The following SMIM36 variants were observed in gnomAD, a reference collection of about 807,000 sequenced individuals.
SMIM36 encodes small integral membrane protein 36.
chr17:55,474,949 G>T (rs1333956694), intron 3 of SMIM36, among the ~76,000 whole-genome samples: 1 of 152,148 alleles, frequency 6.6e-6, no homozygotes, highest in Non-Finnish European at 1.5e-5. Context: ...AAGGAAGCCT[G>T]GACAGGTCCC....
At chr17:55,529,609 T>C in the SMIM36 span, among the ~76,000 whole-genome samples, 3 of 142,922 alleles carry the variant, frequency 2.1e-5, no homozygotes, top group Non-Finnish European at 3.1e-5. Flanking sequence ...CTACTAAAAA[T>C]ACACACACAC....
intron 3 of SMIM36, among the ~76,000 whole-genome samples, chr17:55,472,975 CAGA>C (rs1016283037): frequency 6.6e-6 from 1 of 152,090 alleles, no homozygotes; most frequent in African/African-American, 2.4e-5. Context: ...GCCCCTACTC[CAGA>C]AGGCTAGTAT....
At chr17:55,470,313 GAC>G (rs1028400043) in intron 3 of SMIM36, among the ~76,000 whole-genome samples, 31 of 152,308 alleles carry the variant, frequency 2.0e-4, no homozygotes, top group African/African-American at 7.5e-4. Flanking sequence ...GCTGAAGACT[GAC>G]ACTGCCTGAT....
intron 1 of SMIM36, among the ~76,000 whole-genome samples, chr17:55,500,965 AAT>A (rs1295293811): frequency 0.03 from 1,404 of 46,786 alleles, 471 homozygotes; most frequent in African/African-American, 0.059. Context: ...TATATTTTAT[AAT>A]ATATATTATA....
intron 4 of SMIM36, among the ~76,000 whole-genome samples, chr17:55,454,263 A>T (rs966926556): frequency 3.3e-5 from 5 of 152,386 alleles, no homozygotes; most frequent in African/African-American, 1.2e-4. Flanking sequence ...ATTATCTCAG[A>T]CAAAACAAGC....
chr17:55,523,977 G>T, the SMIM36 span, among the ~76,000 whole-genome samples: 1 of 151,784 alleles, frequency 6.6e-6, no homozygotes, highest in African/African-American at 2.4e-5. Flanking sequence ...TTACATAGGT[G>T]AACTCATGTT....
chr17:55,511,124 G>C (rs925210082), exon 1 of SMIM36: 1 of 398,490 alleles, frequency 2.5e-6, no homozygotes, highest in African/African-American at 2.1e-5. Flanking sequence ...TTTGGCCAGT[G>C]GGGCCCAGCG....
rs1407168997 is a variant in SMIM36 at position 55,490,789 on chromosome 17, A to ATGATCATAGT, written c.*175-11210_*175-11209insACTATGATCA. Among the ~76,000 whole-genome samples the ATGATCATAGT allele has an allele frequency of 2.6e-5, 4 of 152,218 alleles. No individual in the cohort carries two copies. The East Asian group carries it at 7.7e-4, about 29-fold the overall frequency. ...AAAGGTGTCAACTTGTACATACACTATGATCATAAGTATGTAAAATATATA... is the reference window on the plus strand; with the variant it reads ...AAAGGTGTCAACTTGTACATACACTATGATCATAGTTGATCATAAGTATGTAAAATATATA... On this transcript the variant is annotated intron_variant, in intron 1 of 4. Transcript: ENST00000636752.
chr17:55,462,135 G>A (rs1177748067), intron 4 of SMIM36, among the ~76,000 whole-genome samples: 1 of 152,208 alleles, frequency 6.6e-6, no homozygotes, highest in East Asian at 1.9e-4. Context: ...CTTGGTTTTA[G>A]ATGGATAGAC....
chr17:55,461,188 T>C (rs1011346983), intron 4 of SMIM36, among the ~76,000 whole-genome samples: 1 of 152,150 alleles, frequency 6.6e-6, no homozygotes, highest in Admixed American at 6.5e-5. Context: ...ATATTTTGAG[T>C]GCGTTCAATT....
the SMIM36 span, among the ~76,000 whole-genome samples, chr17:55,522,028 A>G: frequency 2.6e-5 from 4 of 152,120 alleles, no homozygotes; most frequent in Non-Finnish European, 5.9e-5. Flanking sequence ...AAAACCTTCT[A>G]ATAACTCCCC....
intron 3 of SMIM36, among the ~76,000 whole-genome samples, chr17:55,473,844 AAAG>A (rs1224728063): frequency 2.0e-5 from 3 of 152,088 alleles, no homozygotes; most frequent in Non-Finnish European, 4.4e-5. Flanking sequence ...GCCTCCAAAG[AAAG>A]AAGAAGTAAA....
At chr17:55,527,929 T>C in the SMIM36 span, 2 of 152,250 alleles carry the variant, frequency 1.3e-5, no homozygotes, top group Non-Finnish European at 2.9e-5. Context: ...TACCCCTTTT[T>C]CTGCACCTGC....
chr17:55,505,732 T>C (rs1223740252), intron 1 of SMIM36, among the ~76,000 whole-genome samples: 1 of 95,244 alleles, frequency 1.0e-5, no homozygotes, highest in Non-Finnish European at 1.9e-5. Context: ...CCAGGGCAAT[T>C]AGGCAGGAGA....
chr17:55,509,556 A>G (rs979505770), intron 1 of SMIM36, among the ~76,000 whole-genome samples: 2 of 152,320 alleles, frequency 1.3e-5, no homozygotes, highest in Admixed American at 1.3e-4. Context: ...GACTTCTAAA[A>G]GAGCATCTGC....
chr17:55,485,099 G>A (rs1040737961), intron 1 of SMIM36, among the ~76,000 whole-genome samples: 2 of 151,682 alleles, frequency 1.3e-5, no homozygotes, highest in African/African-American at 4.8e-5. Flanking sequence ...AATACAGAGG[G>A]GTAAAATGAC....
chr17:55,478,873 C>T (rs560165428), intron 2 of SMIM36, 60 bp from the exon 3 acceptor site: 1 of 152,252 alleles, frequency 6.6e-6, no homozygotes, highest in South Asian at 2.1e-4. Flanking sequence ...CTATTTATAC[C>T]TAGATCTGTC....
chr17:55,454,509 C>G (rs1044851489), intron 4 of SMIM36, among the ~76,000 whole-genome samples: 3 of 152,090 alleles, frequency 2.0e-5, no homozygotes, highest in Admixed American at 1.3e-4. Flanking sequence ...AAACATAGAT[C>G]AACAGAAAGT....
At chr17:55,469,990 A>G (rs1301340548) in intron 3 of SMIM36, among the ~76,000 whole-genome samples, 1 of 151,194 alleles carries the variant, frequency 6.6e-6, no homozygotes, top group African/African-American at 2.4e-5. Context: ...CTAAAAAAAA[A>G]ACAAAAAAAA....
Sources: allele counts gnomAD v4.1 joint callset (sites outside exome capture counted in the v4.1 genomes callset), GRCh38; gene constraint gnomAD v4.1.1; transcripts MANE v1.5; gene names NCBI Gene and HGNC (gene_info 2026-07-23, HGNC 2026-07-21).